Variants in BORCS5 observed in about 807,000 individuals in gnomAD.
The protein encoded by BORCS5 is BLOC-1 related complex subunit 5, also known as BLOC-1-related complex subunit 5.
BORCS5 carries 17 observed loss-of-function variants against 22.1 expected under a neutral mutation model. The observed-to-expected ratio is 0.77, with a 90% CI of 0.53 to 1.15. BORCS5 has a LOEUF of 1.15. Ranked by LOEUF, BORCS5 falls within the 50% of genes most tolerant of loss-of-function variation. BORCS5 has a pLI of 0.00. For synonymous variants in BORCS5, 117 were observed against 99.8 expected (o/e 1.17, Z -1.03); for missense variants, 247 against 253.2 (o/e 0.98, Z 0.17).
chr12:12,427,076 C>G (rs374782916), intron 2 of BORCS5, among the ~76,000 whole-genome samples: 1 of 151,912 alleles, frequency 6.6e-6, no homozygotes, highest in East Asian at 1.9e-4. Flanking sequence ...TTAGAAAGCA[C>G]ACTTTTTCTA....
At chr12:12,437,163 G>A (rs544083364) in intron 3 of BORCS5, among the ~76,000 whole-genome samples, 36 of 152,302 alleles carry the variant, frequency 2.4e-4, no homozygotes, top group Admixed American at 3.9e-4. Context: ...CCAGTGGGAG[G>A]TAATTGAGTC....
intron 1 of BORCS5, among the ~76,000 whole-genome samples, chr12:12,360,337 G>A (rs535847381): frequency 6.6e-6 from 1 of 152,266 alleles, no homozygotes; most frequent in South Asian, 2.1e-4. Context: ...ACTCCAACCT[G>A]GCGACAGAGC....
chr12:12,422,681 A>G (rs185946342), intron 2 of BORCS5, among the ~76,000 whole-genome samples: 1 of 152,286 alleles, frequency 6.6e-6, no homozygotes, highest in African/African-American at 2.4e-5. Context: ...TAACATAGAA[A>G]AACTCTGCTC....
At chr12:12,463,829 C>G (rs962861354) in intron 3 of BORCS5, among the ~76,000 whole-genome samples, 1 of 152,152 alleles carries the variant, frequency 6.6e-6, no homozygotes, top group Non-Finnish European at 1.5e-5. Context: ...GGATTGACTG[C>G]CAAGGACTTT....
intron 2 of BORCS5, among the ~76,000 whole-genome samples, chr12:12,375,810 T>TTTG (rs59033819): frequency 2.6e-5 from 4 of 152,038 alleles, no homozygotes; most frequent in Non-Finnish European, 4.4e-5. Flanking sequence ...GTTTTTTTTG[T>TTTG]TTGTTGTTGT....
intron 2 of BORCS5, among the ~76,000 whole-genome samples, chr12:12,362,215 GCTT>G (rs1195831019): frequency 2.0e-5 from 3 of 152,150 alleles, no homozygotes; most frequent in Admixed American, 6.5e-5. Flanking sequence ...GGTAAGATAA[GCTT>G]CTTATAAGCC....
At chr12:12,403,607 G>A (rs868268152) in intron 2 of BORCS5, among the ~76,000 whole-genome samples, 1 of 152,276 alleles carries the variant, frequency 6.6e-6, no homozygotes, top group Middle Eastern at 3.4e-3. Context: ...TTTCACAGCT[G>A]TGTGCTTTAG....
intron 3 of BORCS5, among the ~76,000 whole-genome samples, chr12:12,444,117 T>A (rs911313850): frequency 2.0e-5 from 3 of 152,246 alleles, no homozygotes; most frequent in Non-Finnish European, 4.4e-5. Flanking sequence ...TAGTAGATGT[T>A]GAATAAATAC....
intron 2 of BORCS5, among the ~76,000 whole-genome samples, chr12:12,410,561 G>C (rs975439890): frequency 6.6e-6 from 1 of 151,766 alleles, no homozygotes; most frequent in Non-Finnish European, 1.5e-5. Flanking sequence ...ATTTCTGAGG[G>C]CTCTGTTCTG....
intron 3 of BORCS5, among the ~76,000 whole-genome samples, chr12:12,441,048 T>C (rs1419220694): frequency 1.3e-5 from 2 of 152,072 alleles, no homozygotes; most frequent in Non-Finnish European, 2.9e-5. Flanking sequence ...TAGAGCAAGA[T>C]CCCTGAGGAG....
intron 1 of BORCS5, among the ~76,000 whole-genome samples, chr12:12,359,671 T>TAA (rs56798094): frequency 0.012 from 1,670 of 138,104 alleles, 11 homozygotes; most frequent in Middle Eastern, 0.027. Flanking sequence ...CGCCTTGACT[T>TAA]AAAAAAAAAA....
Position 12,357,403 on chromosome 12 carries a change from C to G in BORCS5, c.-49C>G, listed in dbSNP as rs770317153. ...CCTGCCCTGTCGCCCGCCGCCGGAG[C>G]GGTGACCGCCCGGCCCGCCGTTCTT... On this transcript the variant is annotated 5_prime_UTR_variant, in exon 1 of 4. Coordinates refer to ENST00000314565, the MANE Select transcript of BORCS5 (RefSeq NM_058169.6). The G allele has an allele frequency of 6.3e-7, 1 of 1,588,732 alleles. No homozygotes were observed. The highest frequency in any genetic ancestry group is 8.6e-7 in the Non-Finnish European group (1 of 1,163,672).
intron 2 of BORCS5, among the ~76,000 whole-genome samples, chr12:12,414,262 T>C (rs1941846017): frequency 1.8e-5 from 1 of 54,362 alleles, no homozygotes; most frequent in Non-Finnish European, 3.6e-5. Flanking sequence ...GAGGGGCTCC[T>C]CACTTCCCAG....
chr12:12,455,270 C>A (rs538348867), intron 3 of BORCS5, among the ~76,000 whole-genome samples: 1 of 152,318 alleles, frequency 6.6e-6, no homozygotes, highest in Admixed American at 6.5e-5. Flanking sequence ...GGTTAGCTGA[C>A]CTTGAACCAT....
At chr12:12,375,810 TTTGTTG>T (rs59033819) in intron 2 of BORCS5, among the ~76,000 whole-genome samples, 1 of 152,038 alleles carries the variant, frequency 6.6e-6, no homozygotes, top group African/African-American at 2.4e-5. Flanking sequence ...GTTTTTTTTG[TTTGTTG>T]TTGTTGTTGT....
At chr12:12,403,836 T>A (rs148678757) in intron 2 of BORCS5, among the ~76,000 whole-genome samples, 6 of 152,284 alleles carry the variant, frequency 3.9e-5, no homozygotes, top group Non-Finnish European at 7.4e-5. Flanking sequence ...ATTATATGAT[T>A]TAATTACCCT....
intron 2 of BORCS5, among the ~76,000 whole-genome samples, chr12:12,401,083 T>C (rs753601174): frequency 1.1e-4 from 16 of 152,268 alleles, no homozygotes; most frequent in Non-Finnish European, 1.6e-4. Flanking sequence ...TTGTTTCCAG[T>C]TGTTTTACTA....
At chr12:12,412,299 T>C (rs1317603807) in intron 2 of BORCS5, among the ~76,000 whole-genome samples, 1 of 152,198 alleles carries the variant, frequency 6.6e-6, no homozygotes, top group African/African-American at 2.4e-5. Context: ...CTTTCAGCTG[T>C]ATTTTATGGT....
chr12:12,435,372 A>G (rs958799751), intron 2 of BORCS5, among the ~76,000 whole-genome samples: 1 of 152,156 alleles, frequency 6.6e-6, no homozygotes, highest in Non-Finnish European at 1.5e-5. Flanking sequence ...TCCTGTGTAA[A>G]TGGAGCTAAT....
Sources: gnomAD v4.1 joint callset for allele counts (sites outside exome capture counted in the v4.1 genomes callset) on GRCh38, gnomAD v4.1.1 for gene constraint, MANE v1.5 for transcripts, NCBI Gene and HGNC (gene_info 2026-07-23, HGNC 2026-07-21) for gene names.